Variants in APBA1 observed in about 807,000 individuals in gnomAD.
APBA1 encodes the protein amyloid-beta A4 precursor protein-binding family A member 1.
Under a neutral mutation model 86.6 loss-of-function variants are expected in APBA1, and 55 were observed. The observed-to-expected ratio is 0.64, with a 90% CI of 0.51 to 0.80. The LOEUF is 0.80. APBA1 is among the 30% of genes least tolerant of loss of function. The probability of loss-of-function intolerance (pLI) is 0.00; values close to 1 mark genes in which losing one functional copy is unlikely to be tolerated. For synonymous variants in APBA1, 511 were observed against 493.9 expected, an observed-to-expected ratio of 1.03 and a Z score of -0.46; for missense variants, 1,090 against 1,183.0, an observed-to-expected ratio of 0.92 and a Z score of 1.15.
chr9:69,538,797 TA>T (rs1264850407), intron 1 of APBA1, among the ~76,000 whole-genome samples: 1 of 152,238 alleles, frequency 6.6e-6, no homozygotes, highest in Admixed American at 6.5e-5. Flanking sequence ...TCAGCAAGGT[TA>T]TTAACCCTTC....
chr9:69,442,234 C>T (rs1468835190), intron 10 of APBA1, among the ~76,000 whole-genome samples: 11 of 152,218 alleles, frequency 7.2e-5, no homozygotes, highest in Admixed American at 7.2e-4. Context: ...TGCCTTCCCA[C>T]CCCTTTCAAG....
At chr9:69,530,802 C>T (rs955628596) in intron 1 of APBA1, among the ~76,000 whole-genome samples, 11 of 152,126 alleles carry the variant, frequency 7.2e-5, no homozygotes, top group African/African-American at 9.7e-5. Flanking sequence ...TACCACACCA[C>T]TTATCCTCCA....
Position 69,560,554 on chromosome 9 carries a change from C to T in APBA1, c.-69-43275G>A, listed in dbSNP as rs7850424. Among the ~76,000 whole-genome samples, 341 of 152,298 alleles carry T rather than the reference C, an allele frequency of 2.2e-3. 1 individual carries two copies. Among genetic ancestry groups the T allele is most frequent in the African/African-American group, 7.9e-3 (330 of 41,572 alleles). On this transcript the variant is annotated intron_variant, in intron 1 of 12. Coordinates refer to ENST00000265381, the MANE Select transcript of APBA1 (RefSeq NM_001163.4). ...AAAAGGGGATGATCAAAATTCTTAC[C>T]TCACAGCATTGTTGTAAAGATGAAA... is the stretch of plus-strand genomic sequence containing the variant.
intron 1 of APBA1, among the ~76,000 whole-genome samples, chr9:69,664,078 T>C (rs948277412): frequency 3.9e-5 from 6 of 152,158 alleles, no homozygotes; most frequent in Non-Finnish European, 7.3e-5. Context: ...GCAGATTTCA[T>C]GAAAAGGAGT....
At chr9:69,562,133 T>G (rs911056643) in intron 1 of APBA1, among the ~76,000 whole-genome samples, 4 of 152,132 alleles carry the variant, frequency 2.6e-5, no homozygotes, top group African/African-American at 9.7e-5. Context: ...CAAAGTGAAT[T>G]AGCTTAATTA....
intron 1 of APBA1, among the ~76,000 whole-genome samples, chr9:69,546,640 A>G (rs1836702751): frequency 6.6e-6 from 1 of 152,194 alleles, no homozygotes. Context: ...GATTAATTTT[A>G]TCATTTTTCC....
intron 1 of APBA1, among the ~76,000 whole-genome samples, chr9:69,550,241 G>A (rs1402091846): frequency 1.3e-5 from 2 of 152,118 alleles, no homozygotes; most frequent in Admixed American, 1.3e-4. Flanking sequence ...GGGATGCAGT[G>A]ATAAAAATAA....
intron 2 of APBA1, among the ~76,000 whole-genome samples, chr9:69,515,690 T>TGGGGGGGGGGG (rs60382603): frequency 4.4e-4 from 49 of 110,784 alleles, no homozygotes; most frequent in South Asian, 1.8e-3. Flanking sequence ...AATCAGAAAC[T>TGGGGGGGGGGG]GGGGGGGGGG....
In APBA1 at chr9:69,599,282, CAACT is replaced by C. The variant is rs954639194; in HGVS notation, c.-70+72867_-70+72870del. Among the ~76,000 whole-genome samples the C allele has an allele frequency of 5.0e-4, 76 of 152,288 alleles. 1 individual carries two copies. The highest frequency in any genetic ancestry group is 1.7e-3 in the African/African-American group (72 of 41,562). ...TATATTAGAGAACTGCATTTCATTCCAACTGTCAATATTTGAAAAAGTGTTTTAG... is the reference window on the plus strand; with the variant it reads ...TATATTAGAGAACTGCATTTCATTCCGTCAATATTTGAAAAAGTGTTTTAG... On this transcript the variant is annotated intron_variant, in intron 1 of 12. Transcript: ENST00000265381.
intron 1 of APBA1, among the ~76,000 whole-genome samples, chr9:69,658,360 G>C (rs1395592095): frequency 2.8e-4 from 23 of 80,910 alleles, no homozygotes; most frequent in African/African-American, 8.4e-4. Context: ...CTTTCTTTCT[G>C]TGTTTCTCTG....
chr9:69,597,094 G>A (rs930899049), intron 1 of APBA1, among the ~76,000 whole-genome samples: 1 of 152,182 alleles, frequency 6.6e-6, no homozygotes, highest in Non-Finnish European at 1.5e-5. Context: ...ATTGACATGG[G>A]TAAAAGTTTT....
chr9:69,542,182 C>G (rs549701354), intron 1 of APBA1, among the ~76,000 whole-genome samples: 2 of 152,250 alleles, frequency 1.3e-5, no homozygotes, highest in East Asian at 3.8e-4. Flanking sequence ...TCTTCCCTAC[C>G]CTGCATACAC....
intron 1 of APBA1, among the ~76,000 whole-genome samples, chr9:69,523,534 GACAC>G (rs377194151): frequency 0.57 from 57,473 of 100,848 alleles, 16,922 homozygotes; most frequent in Non-Finnish European, 0.65. Flanking sequence ...TATATATATA[GACAC>G]ACACACACAC....
At chr9:69,476,206 G>A in intron 2 of APBA1, 63 bp from the exon 3 acceptor site, 2 of 1,237,972 alleles carry the variant, frequency 1.6e-6, no homozygotes, top group Non-Finnish European at 1.2e-6. Flanking sequence ...CTTGGCTGGG[G>A]GAAAGGGGCC....
At chr9:69,510,325 C>T (rs564609451) in intron 2 of APBA1, among the ~76,000 whole-genome samples, 10 of 151,760 alleles carry the variant, frequency 6.6e-5, no homozygotes, top group South Asian at 6.3e-4. Flanking sequence ...TTCACAATTG[C>T]TTCACAGAGA....
intron 1 of APBA1, among the ~76,000 whole-genome samples, chr9:69,542,222 C>T (rs949646523): frequency 6.6e-6 from 1 of 152,170 alleles, no homozygotes; most frequent in Admixed American, 6.5e-5. Context: ...CATCTCCCAC[C>T]AGAGTGGTGC....
At chr9:69,581,184 G>A (rs1258202929) in intron 1 of APBA1, among the ~76,000 whole-genome samples, 2 of 152,130 alleles carry the variant, frequency 1.3e-5, no homozygotes, top group East Asian at 3.9e-4. Flanking sequence ...AATGGTATCA[G>A]TCAAAGCAAG....
chr9:69,472,763 G>A (rs1176717893), intron 3 of APBA1, among the ~76,000 whole-genome samples: 2 of 152,182 alleles, frequency 1.3e-5, no homozygotes, highest in Non-Finnish European at 2.9e-5. Flanking sequence ...TGAGGAAAGC[G>A]CCCTGGGTGA....
intron 5 of APBA1, chr9:69,464,941 C>G (rs1261779689): frequency 1.3e-5 from 2 of 152,148 alleles, no homozygotes; most frequent in African/African-American, 4.8e-5. Context: ...TGTTTGAAGC[C>G]TTGATGGATA....
Sources: allele counts gnomAD v4.1 joint callset (sites outside exome capture counted in the v4.1 genomes callset), GRCh38; gene constraint gnomAD v4.1.1; transcripts MANE v1.5; gene names NCBI Gene and HGNC (gene_info 2026-07-23, HGNC 2026-07-21).